BET1: variants seen among roughly 807,000 people sequenced by gnomAD.
BET1 encodes the protein Bet1 golgi vesicular membrane trafficking protein.
In BET1, 9 loss-of-function variants were observed where a neutral mutation model predicts 13.9. That is an observed-to-expected ratio of 0.65 (90% CI 0.39 to 1.13). BET1 has a LOEUF of 1.13. BET1 is among the 50% of genes most tolerant of loss of function. The pLI, the probability that BET1 is intolerant of heterozygous loss-of-function variation, is 0.01. For missense variants in BET1, 127 were observed against 133.6 expected, an observed-to-expected ratio of 0.95 and a Z score of 0.24; for synonymous variants, 39 against 47.3, an observed-to-expected ratio of 0.82 and a Z score of 0.72.
intron 2 of BET1, among the ~76,000 whole-genome samples, chr7:93,997,160 C>A (rs979966767): frequency 1.3e-5 from 2 of 152,090 alleles, no homozygotes; most frequent in African/African-American, 2.4e-5. Context: ...GGCTTCACTT[C>A]CAAGATATTT....
intron 4 of BET1, chr7:93,976,178 A>T (rs1795333074): frequency 9.9e-7 from 1 of 1,006,146 alleles, no homozygotes; most frequent in African/African-American, 1.7e-5. Context: ...GTAGAAGTAA[A>T]TGTACTCTCA....
At chr7:93,979,525 C>T (rs1157836541) in intron 4 of BET1, among the ~76,000 whole-genome samples, 1 of 152,050 alleles carries the variant, frequency 6.6e-6, no homozygotes, top group African/African-American at 2.4e-5. Context: ...CCTTCCTTCT[C>T]CCCATGACAC....
intron 1 of BET1, among the ~76,000 whole-genome samples, chr7:94,001,431 G>A (rs1795900965): frequency 1.3e-5 from 2 of 152,282 alleles, no homozygotes; most frequent in South Asian, 4.2e-4. Context: ...TGTACCTAAT[G>A]AGTACTTTAT....
intron 1 of BET1, among the ~76,000 whole-genome samples, chr7:94,001,242 T>A (rs567897595): frequency 1.4e-4 from 21 of 152,246 alleles, no homozygotes; most frequent in African/African-American, 5.1e-4. Context: ...TGTCCCCCCA[T>A]AAACCTACAA....
chr7:93,985,601 T>C (rs1036511372), intron 4 of BET1, among the ~76,000 whole-genome samples: 5 of 152,176 alleles, frequency 3.3e-5, no homozygotes, highest in Admixed American at 2.6e-4. Flanking sequence ...ATTCAAACTA[T>C]ATTGTAATGT....
chr7:93,998,587 T>C (rs1201469974), intron 2 of BET1, among the ~76,000 whole-genome samples: 1 of 151,916 alleles, frequency 6.6e-6, no homozygotes, highest in Non-Finnish European at 1.5e-5. Flanking sequence ...CAATCGCAGC[T>C]ATTTGGGAGG....
intron 1 of BET1, among the ~76,000 whole-genome samples, chr7:94,000,690 T>C (rs1158607083): frequency 2.0e-5 from 3 of 152,050 alleles, no homozygotes; most frequent in African/African-American, 7.2e-5. Context: ...CTTATAATAT[T>C]GAGGTTGCAG....
At chr7:93,978,770 CA>C (rs1795379491) in intron 4 of BET1, among the ~76,000 whole-genome samples, 1 of 152,146 alleles carries the variant, frequency 6.6e-6, no homozygotes, top group South Asian at 2.1e-4. Context: ...ATGGCTTTGA[CA>C]AACTTTTACA....
chr7:93,970,712 G>C (rs1432803426), intron 6 of BET1, among the ~76,000 whole-genome samples: 2 of 151,730 alleles, frequency 1.3e-5, no homozygotes, highest in Non-Finnish European at 2.9e-5. Flanking sequence ...AAGAGAAAAT[G>C]TGTTCACAAA....
chr7:93,986,691 A>G (rs989681095), intron 4 of BET1, among the ~76,000 whole-genome samples: 1 of 152,214 alleles, frequency 6.6e-6, no homozygotes, highest in African/African-American at 2.4e-5. Flanking sequence ...GCTAAGGTCA[A>G]CAATGGAAAA....
At chr7:93,989,797 G>C (rs564609454), downstream of BET1, among the ~76,000 whole-genome samples, 1 of 152,266 alleles carries the variant, frequency 6.6e-6, no homozygotes, top group South Asian at 2.1e-4. Context: ...AATGCTCTCT[G>C]TGTGAATCTA....
intron 3 of BET1, among the ~76,000 whole-genome samples, chr7:93,994,655 T>C (rs960683845): frequency 6.6e-6 from 1 of 152,214 alleles, no homozygotes; most frequent in East Asian, 1.9e-4. Flanking sequence ...CAAAACTATT[T>C]AGGTGTTATT....
intron 5 of BET1, among the ~76,000 whole-genome samples, chr7:93,974,688 T>A (rs1795309819): frequency 6.6e-6 from 1 of 151,832 alleles, no homozygotes; most frequent in Admixed American, 6.6e-5. Flanking sequence ...AAGATTCCAA[T>A]TAATAAGTAA....
chr7:93,997,951 T>C (rs1014766909), intron 2 of BET1, among the ~76,000 whole-genome samples: 1 of 152,206 alleles, frequency 6.6e-6, no homozygotes, highest in African/African-American at 2.4e-5. Flanking sequence ...AGAAGAAAAG[T>C]TACTTTTGGA....
chr7:93,996,151 T>C (rs764573939), intron 3 of BET1, 114 bp downstream of exon 3: 370 of 790,840 alleles, frequency 4.7e-4, no homozygotes, highest in Non-Finnish European at 6.8e-4. Context: ...TAGATACAAA[T>C]GGACGGGAAT....
At chr7:93,994,476 T>C in intron 3 of BET1, 91 bp from the exon 4 acceptor site, 1 of 1,313,520 alleles carries the variant, frequency 7.6e-7, no homozygotes. Flanking sequence ...GTTACCATAG[T>C]ACATTTGTAA....
chr7:93,962,819 T>C (rs1389280315), exon 7 of BET1: 2 of 151,908 alleles, frequency 1.3e-5, no homozygotes, highest in African/African-American at 4.8e-5. Context: ...GGATACATTA[T>C]CTGAAATTCA....
downstream of BET1, chr7:93,992,978 A>G (rs1795668502): frequency 5.1e-6 from 5 of 985,326 alleles, no homozygotes; most frequent in Non-Finnish European, 6.0e-6. Flanking sequence ...ATGACGAATG[A>G]AGCCAGAAAA....
At chr7:93,975,523 CT>C (rs948586635) in intron 5 of BET1, among the ~76,000 whole-genome samples, 2 of 151,876 alleles carry the variant, frequency 1.3e-5, no homozygotes, top group African/African-American at 4.8e-5. Context: ...TTATGTATGG[CT>C]TTAGTTGTAA....
Sources: allele counts gnomAD v4.1 joint callset (sites outside exome capture counted in the v4.1 genomes callset), GRCh38; gene constraint gnomAD v4.1.1; transcripts MANE v1.5; gene names NCBI Gene and HGNC (gene_info 2026-07-23, HGNC 2026-07-21).